HDGF: variants seen among roughly 807,000 people sequenced by gnomAD.
HDGF encodes the protein hepatoma-derived growth factor.
In HDGF, 5 loss-of-function variants were observed where a neutral mutation model predicts 30.0. That is an observed-to-expected ratio of 0.17 (90% CI 0.09 to 0.35). The LOEUF (loss-of-function observed/expected upper bound fraction) is 0.35. Among genes scored for constraint, HDGF ranks in the 10% least tolerant of loss-of-function variants. The pLI is 1.00. For missense variants in HDGF, 214 were observed against 302.8 expected (o/e 0.71, Z 2.18); for synonymous variants, 133 against 112.7 (o/e 1.18, Z -1.14).
intron 1 of HDGF, among the ~76,000 whole-genome samples, chr1:156,763,134 C>T (rs1423668392): frequency 6.6e-6 from 1 of 151,876 alleles, no homozygotes; most frequent in Non-Finnish European, 1.5e-5. Context: ...TCTTTAATGC[C>T]TTTACAAAAA....
intron 2 of HDGF, among the ~76,000 whole-genome samples, chr1:156,757,782 G>A (rs1651176402): frequency 7.0e-6 from 1 of 142,214 alleles, no homozygotes; most frequent in South Asian, 2.2e-4. Context: ...GCAAGACTCT[G>A]TCTCAAAAAA....
upstream of HDGF, among the ~76,000 whole-genome samples, chr1:156,753,970 C>T (rs547365831): frequency 2.5e-4 from 38 of 149,382 alleles, no homozygotes; most frequent in South Asian, 1.3e-3. Flanking sequence ...GGCTACAGTG[C>T]AATGGTGCAA....
At chr1:156,748,468 C>G (rs911792589) in intron 1 of HDGF, among the ~76,000 whole-genome samples, 1 of 152,154 alleles carries the variant, frequency 6.6e-6, no homozygotes, top group African/African-American at 2.4e-5. Flanking sequence ...GGGGACCCCA[C>G]GGTACCCCCT....
chr1:156,761,939 C>A (rs1345729091), intron 1 of HDGF, among the ~76,000 whole-genome samples: 48 of 128,562 alleles, frequency 3.7e-4, no homozygotes, highest in African/African-American at 6.0e-4. Context: ...GTCTCCATCT[C>A]AAAAAAAAAA....
At chr1:156,753,415 A>C (rs572334473), upstream of HDGF, among the ~76,000 whole-genome samples, 8 of 152,240 alleles carry the variant, frequency 5.3e-5, no homozygotes, top group Non-Finnish European at 1.2e-4. Context: ...TTTGAAATGC[A>C]GTCAGTGTAA....
chr1:156,745,257 C>T (rs748048131), intron 2 of HDGF, 40 bp downstream of exon 2: 6 of 1,609,550 alleles, frequency 3.7e-6, no homozygotes, highest in Non-Finnish European at 5.1e-6. Context: ...GTAGTCCTCC[C>T]GGGGCCCTCC....
At position 156,751,528 on chromosome 1, in the gene HDGF, G is replaced by A. The variant is rs1485596525; in HGVS notation, c.-99C>T. 8 of 1,051,442 alleles carry A rather than the reference G, an allele frequency of 7.6e-6. No homozygotes were observed. Among genetic ancestry groups the A allele is most frequent in the South Asian group, 4.4e-5 (1 of 22,708 alleles). The allele number at this position is 1,051,442 out of a possible 1,614,324, so 65.1% of individuals were successfully genotyped here. ...GCGGCGCCGCTCCGCTCCGGCCCTC[G>A]CGCGGCCCCCGCCTCGATGGTGGCC... On this transcript the variant is annotated 5_prime_UTR_variant, in exon 1 of 6. Transcript: ENST00000357325. The surrounding 1 kb of genome is among the most constrained non-coding windows in gnomAD (Gnocchi z 4.7).
intron 5 of HDGF, 46 bp from the exon 6 acceptor site, chr1:156,743,501 G>T: frequency 6.4e-7 from 1 of 1,574,670 alleles, no homozygotes; most frequent in Admixed American, 1.8e-5. Context: ...GTGTGGCCTT[G>T]GCCTGGCCTT....
At chr1:156,757,007 G>A (rs552717625), upstream of HDGF, among the ~76,000 whole-genome samples, 2 of 151,860 alleles carry the variant, frequency 1.3e-5, no homozygotes, top group South Asian at 2.1e-4. Flanking sequence ...TGGCCAGGCT[G>A]GTCTCGAACT....
rs996781039 is a variant in HDGF at position 156,743,950 on chromosome 1, C to T, written c.490-72G>A. ...CCACCAGCCACCCACTCCTCTCCTCCGGGGCTCCTTCCCAGGCTGACACCC... is the reference window on the plus strand; with the variant it reads ...CCACCAGCCACCCACTCCTCTCCTCTGGGGCTCCTTCCCAGGCTGACACCC... On this transcript the variant is annotated intron_variant, in intron 4 of 5. Coordinates refer to ENST00000357325, the MANE Select transcript of HDGF (RefSeq NM_004494.3). The T allele has an allele frequency of 2.1e-5, 26 of 1,218,874 alleles. No homozygotes were observed. The African/African-American group carries it at 3.1e-4, about 15-fold the overall frequency. The allele number at this position is 1,218,874 out of a possible 1,614,324, so 75.5% of individuals were successfully genotyped here. A position where few individuals can be genotyped will look rare whatever the true frequency, so the allele number is the denominator to read the frequency against.
At chr1:156,760,336 C>A (rs1046967009) in intron 1 of HDGF, among the ~76,000 whole-genome samples, 2 of 152,068 alleles carry the variant, frequency 1.3e-5, no homozygotes, top group African/African-American at 4.8e-5. Flanking sequence ...CTCAGGGAGG[C>A]GTGTGGGTGA....
chr1:156,747,806 A>G (rs1351008214), intron 1 of HDGF, among the ~76,000 whole-genome samples: 1 of 152,136 alleles, frequency 6.6e-6, no homozygotes, highest in Non-Finnish European at 1.5e-5. Flanking sequence ...TTCAGAAATA[A>G]GGAGAAATGA....
rs12030654 is a variant in HDGF at position 156,751,240 on chromosome 1, T to C, written c.87+103A>G. 1 of 1,359,976 alleles carries C rather than the reference T, an allele frequency of 7.4e-7. No homozygotes were observed. Among genetic ancestry groups the C allele is most frequent in the Admixed American group, 3.0e-5 (1 of 33,150 alleles). The allele number at this position is 1,359,976 out of a possible 1,614,324, so 84.2% of individuals were successfully genotyped here. On this transcript the variant is annotated intron_variant, in intron 1 of 5. Coordinates refer to ENST00000357325, the MANE Select transcript of HDGF (RefSeq NM_004494.3). This position sits in a 1 kb window ranked among gnomAD's most constrained non-coding sequence, Gnocchi z 4.7. The stretch of plus-strand genomic sequence containing the variant: ...AAGAGCCGGAGACCTACAAGCCCCC[T>C]GCCCCCACCTCTGCCCGCTCCGCGC...
At chr1:156,760,677 C>T (rs182966970) in intron 1 of HDGF, among the ~76,000 whole-genome samples, 77 of 152,138 alleles carry the variant, frequency 5.1e-4, no homozygotes, top group Non-Finnish European at 1.0e-4. Flanking sequence ...CTGGCCAGGA[C>T]GATAAAGAGG....
Position 156,744,098 on chromosome 1 carries a change from G to A in HDGF, c.489+65C>T, listed in dbSNP as rs371193254. 20 of 1,540,910 alleles carry A rather than the reference G, an allele frequency of 1.3e-5. No individual in the cohort carries two copies. In the East Asian group the frequency reaches 2.2e-4, roughly 17 times the overall value. On this transcript the variant is annotated intron_variant, in intron 4 of 5. Coordinates refer to ENST00000357325, the MANE Select transcript of HDGF (RefSeq NM_004494.3). ...CTGGGCACCCCTGAGGCAAAGCCCT[G>A]CTCCTGTGGGATACCCCATGGGGAA...
At chr1:156,758,382 G>T (rs746959144) in intron 2 of HDGF, among the ~76,000 whole-genome samples, 8 of 151,724 alleles carry the variant, frequency 5.3e-5, no homozygotes, top group Non-Finnish European at 1.2e-4. Context: ...ATGAGGTCAG[G>T]AGATCGAGAC....
intron 1 of HDGF, among the ~76,000 whole-genome samples, chr1:156,765,782 C>A (rs933968625): frequency 6.6e-6 from 1 of 152,082 alleles, no homozygotes; most frequent in African/African-American, 2.4e-5. Flanking sequence ...CTACTTTATC[C>A]ATTTTTCAAA....
chr1:156,743,346 G>A lies in HDGF; in HGVS notation c.*103C>T. 1.7e-6 allele frequency: 2 copies of A among 1,190,776 alleles called. No homozygotes were observed. The highest frequency in any genetic ancestry group is 1.5e-5 in the South Asian group (1 of 67,130). The allele number at this position is 1,190,776 out of a possible 1,614,324, so 73.8% of individuals were successfully genotyped here. A position where few individuals can be genotyped will look rare whatever the true frequency, so the allele number is the denominator to read the frequency against. On this transcript the variant is annotated 3_prime_UTR_variant, in exon 6 of 6. Coordinates refer to ENST00000357325, the MANE Select transcript of HDGF (RefSeq NM_004494.3). ...GTGAGTAGAAGAGGAGAGCAGGTTG[G>A]GGTGGGAAAGGGGTTCCCAGTTTGC...
chr1:156,751,450 GGGCTCCGCGCC>G lies in HDGF; in HGVS notation c.-32_-22del, dbSNP rs1296757072. 2 of 1,532,746 alleles carry G rather than the reference GGGCTCCGCGCC, an allele frequency of 1.3e-6. No homozygotes were observed. Among genetic ancestry groups the G allele is most frequent in the Non-Finnish European group, 1.8e-6 (2 of 1,136,542 alleles). 94.9% of individuals were successfully genotyped at this position (1,532,746 alleles called of 1,614,324 possible). A position where few individuals can be genotyped will look rare whatever the true frequency, so the allele number is the denominator to read the frequency against. ...GACATGGCGGGGCTCCGGGCGCCCCGGGCTCCGCGCCGGGCCGGGAAGCGCGAGCCCAAGTT... is the reference window on the plus strand; with the variant it reads ...GACATGGCGGGGCTCCGGGCGCCCCGGGGCCGGGAAGCGCGAGCCCAAGTT... On this transcript the variant is annotated 5_prime_UTR_variant, in exon 1 of 6. Transcript: ENST00000357325. This position sits in a 1 kb window ranked among gnomAD's most constrained non-coding sequence, Gnocchi z 4.7.
Sources: gnomAD v4.1 joint callset for allele counts (sites outside exome capture counted in the v4.1 genomes callset) on GRCh38, gnomAD v4.1.1 for gene constraint, Gnocchi (gnomAD v3.1) non-coding constraint, MANE v1.5 for transcripts, NCBI Gene and HGNC (gene_info 2026-07-23, HGNC 2026-07-21) for gene names.